NEGR1: variants seen among roughly 807,000 people sequenced by gnomAD.
NEGR1 encodes the protein neuronal growth regulator 1.
NEGR1 carries 10 observed loss-of-function variants against 40.9 expected under a neutral mutation model. That is an observed-to-expected ratio of 0.24 (90% CI 0.15 to 0.42). The LOEUF is 0.42. NEGR1 is among the 10% of genes least tolerant of loss of function. The probability of loss-of-function intolerance (pLI) is 1.00; values close to 1 mark genes in which losing one functional copy is unlikely to be tolerated. For synonymous variants in NEGR1, 185 were observed against 166.8 expected, an observed-to-expected ratio of 1.11 and a Z score of -0.84; for missense variants, 352 against 438.9, an observed-to-expected ratio of 0.80 and a Z score of 1.77.
chr1:71,635,017 C>A (rs1651098552), intron 4 of NEGR1, among the ~76,000 whole-genome samples: 1 of 151,814 alleles, frequency 6.6e-6, no homozygotes, highest in Non-Finnish European at 1.5e-5. Flanking sequence ...AATTGAGGAA[C>A]AATGATTAAT....
At chr1:71,417,852 C>T (rs1297972789) in intron 6 of NEGR1, among the ~76,000 whole-genome samples, 6 of 151,966 alleles carry the variant, frequency 3.9e-5, no homozygotes, top group African/African-American at 1.5e-4. Context: ...CTACCTTGGC[C>T]CACAAAGAAA....
At position 71,701,158 on chromosome 1, in the gene NEGR1, C is replaced by G. The variant is rs573072135; in HGVS notation, c.536-3019G>C. 2.0e-3 allele frequency among the ~76,000 whole-genome samples: 309 copies of G among 152,112 alleles called. 1 individual carries two copies. The highest frequency in any genetic ancestry group is 7.2e-3 in the African/African-American group (298 of 41,506). ...AATAAATTTTTGCTCTTTTTAGCCA[C>G]TAAGTTTGTGGTAATTGGTTATAGC... On this transcript the variant is annotated intron_variant, in intron 3 of 6. Coordinates refer to ENST00000357731, the MANE Select transcript of NEGR1 (RefSeq NM_173808.3).
chr1:72,073,899 CAAAAT>C (rs1286963053), intron 1 of NEGR1, among the ~76,000 whole-genome samples: 1 of 151,398 alleles, frequency 6.6e-6, no homozygotes, highest in Non-Finnish European at 1.5e-5. Context: ...AAAAGAAAGA[CAAAAT>C]AATATCACAG....
chr1:71,745,299 C>T (rs574232638), intron 3 of NEGR1, among the ~76,000 whole-genome samples: 7 of 152,160 alleles, frequency 4.6e-5, no homozygotes, highest in Non-Finnish European at 8.8e-5. Flanking sequence ...TCTATACATG[C>T]TTCCAGTGCA....
intron 3 of NEGR1, among the ~76,000 whole-genome samples, chr1:71,774,686 C>CA (rs5775089): frequency 0.075 from 11,357 of 151,352 alleles, 544 homozygotes; most frequent in East Asian, 0.14. Context: ...GGTATTTTCA[C>CA]AAAAAAAAAA....
At chr1:71,422,278 T>G (rs1396169549) in intron 6 of NEGR1, among the ~76,000 whole-genome samples, 2 of 152,244 alleles carry the variant, frequency 1.3e-5, no homozygotes, top group African/African-American at 2.4e-5. Flanking sequence ...ATCTCTTTGA[T>G]GCAGCTGGCT....
intron 6 of NEGR1, chr1:71,422,647 G>C (rs1646405553): frequency 6.6e-6 from 1 of 152,146 alleles, no homozygotes; most frequent in African/African-American, 2.4e-5. Context: ...CTGAAGAAAG[G>C]CCTTGTTTTA....
At chr1:72,248,238 G>A (rs1445105700) in intron 1 of NEGR1, among the ~76,000 whole-genome samples, 1 of 152,056 alleles carries the variant, frequency 6.6e-6, no homozygotes, top group African/African-American at 2.4e-5. Flanking sequence ...CTCAGTCTTT[G>A]ACTTTCTCAT....
At chr1:72,074,285 T>C (rs1025129345) in intron 1 of NEGR1, among the ~76,000 whole-genome samples, 2 of 152,118 alleles carry the variant, frequency 1.3e-5, no homozygotes, top group South Asian at 4.1e-4. Flanking sequence ...GGTCAGTTGA[T>C]TATAATTCAG....
intron 1 of NEGR1, among the ~76,000 whole-genome samples, chr1:72,194,946 C>G (rs1652948675): frequency 6.6e-6 from 1 of 152,046 alleles, no homozygotes; most frequent in Non-Finnish European, 1.5e-5. Context: ...CTTACATATG[C>G]ATACAGCCCA....
At chr1:71,852,225 A>C (rs1291346362) in intron 2 of NEGR1, among the ~76,000 whole-genome samples, 2 of 152,144 alleles carry the variant, frequency 1.3e-5, no homozygotes, top group Non-Finnish European at 2.9e-5. Flanking sequence ...ATGGGACTAC[A>C]TGTCACAGGA....
intron 1 of NEGR1, among the ~76,000 whole-genome samples, chr1:72,178,077 T>G (rs1652240027): frequency 6.6e-6 from 1 of 152,208 alleles, no homozygotes; most frequent in East Asian, 1.9e-4. Context: ...AAGAATTCAT[T>G]TTAAACAGTA....
Position 71,981,063 on chromosome 1 carries a change from T to C in NEGR1, c.177-45752A>G, listed in dbSNP as rs193247977. ...CAAACCAAATGCTTAATATTTTATC[T>C]GTAAGACATTGTAAAATTCATCATT... On this transcript the variant is annotated intron_variant, in intron 1 of 6. Coordinates refer to ENST00000357731, the MANE Select transcript of NEGR1 (RefSeq NM_173808.3). Among the ~76,000 whole-genome samples, 6 of 152,294 alleles carry C rather than the reference T, an allele frequency of 3.9e-5. No homozygotes were observed. In the East Asian group the frequency reaches 1.2e-3, roughly 29 times the overall value.
At chr1:72,147,305 G>C (rs1225685086) in intron 1 of NEGR1, among the ~76,000 whole-genome samples, 1 of 152,094 alleles carries the variant, frequency 6.6e-6, no homozygotes, top group African/African-American at 2.4e-5. Flanking sequence ...GCAGTGAAAG[G>C]CACTTCTTAC....
rs144846104 is a variant in NEGR1, at chr1:71,673,219, C to CA, written c.667+24788dup. 8.0e-3 allele frequency among the ~76,000 whole-genome samples: 1,190 copies of CA among 149,018 alleles called. 13 individuals are homozygous for CA. The highest frequency in any genetic ancestry group is 0.024 in the African/African-American group (982 of 40,582). ...ATGCCACTGCACTCCAGTGCATCTCCAAAAAAAAACAACCCAAAAAACTGT... is the reference window on the plus strand; with the variant it reads ...ATGCCACTGCACTCCAGTGCATCTCCAAAAAAAAAACAACCCAAAAAACTGT... On this transcript the variant is annotated intron_variant, in intron 4 of 6. Transcript: ENST00000357731.
chr1:72,177,223 C>G (rs560278695), intron 1 of NEGR1, among the ~76,000 whole-genome samples: 1 of 152,148 alleles, frequency 6.6e-6, no homozygotes, highest in East Asian at 1.9e-4. Flanking sequence ...AGGTATGCAA[C>G]TTTACTCATG....
At chr1:71,468,922 TAG>T (rs1030831823) in intron 6 of NEGR1, 1 of 152,010 alleles carries the variant, frequency 6.6e-6, no homozygotes, top group Admixed American at 6.6e-5. Flanking sequence ...AGAAACTGAA[TAG>T]AGTTTAAGTA....
At chr1:71,882,951 C>A (rs2101844951) in intron 2 of NEGR1, among the ~76,000 whole-genome samples, 1 of 152,128 alleles carries the variant, frequency 6.6e-6, no homozygotes, top group Admixed American at 6.5e-5. Context: ...AAATACCTGG[C>A]ATGGGGTAGG....
intron 6 of NEGR1, among the ~76,000 whole-genome samples, chr1:71,531,680 T>TTAAAC (rs1383106050): frequency 4.0e-5 from 6 of 151,370 alleles, no homozygotes; most frequent in Non-Finnish European, 8.9e-5. Flanking sequence ...ATCACAAAAC[T>TTAAAC]TAAACTTTGT....
Sources: gnomAD v4.1 joint callset for allele counts (sites outside exome capture counted in the v4.1 genomes callset) on GRCh38, gnomAD v4.1.1 for gene constraint, MANE v1.5 for transcripts, NCBI Gene and HGNC (gene_info 2026-07-23, HGNC 2026-07-21) for gene names.